Variants in TUBGCP6 observed in about 807,000 individuals in gnomAD.
TUBGCP6 encodes gamma-tubulin complex component 6.
Under a neutral mutation model 175.8 loss-of-function variants are expected in TUBGCP6, and 161 were observed. The ratio of observed to expected loss-of-function variants is 0.92; its 90% confidence interval spans 0.81 to 1.04. The LOEUF (loss-of-function observed/expected upper bound fraction) is 1.04. Ranked by LOEUF, TUBGCP6 falls within the 50% of genes least tolerant of loss-of-function variation. The pLI, the probability that TUBGCP6 is intolerant of heterozygous loss-of-function variation, is 0.00. For synonymous variants in TUBGCP6, 1,173 were observed against 1,030.5 expected (o/e 1.14, Z -2.65); for missense variants, 2,572 against 2,433.0 (o/e 1.06, Z -1.20).
chr22:50,235,783 C>T (rs921905662), intron 2 of TUBGCP6, among the ~76,000 whole-genome samples: 7 of 151,948 alleles, frequency 4.6e-5, no homozygotes, highest in African/African-American at 1.4e-4. Flanking sequence ...CTACTAAAAA[C>T]ACAAAAATTA....
chr22:50,240,382 A>T lies in TUBGCP6; in HGVS notation c.742-15T>A. 1 of 1,613,674 alleles carries T rather than the reference A, an allele frequency of 6.2e-7. No individual in the cohort carries two copies. The highest frequency in any genetic ancestry group is 8.5e-7 in the Non-Finnish European group (1 of 1,179,816). ...CTCGGTGGGACCTGGAGACACAGGG[A>T]AGGGCAAACCGCCACTTATTGCTGT... On this transcript the variant is annotated splice_polypyrimidine_tract_variant and intron_variant, in intron 1 of 24. Transcript: ENST00000248846.
intron 3 of TUBGCP6, among the ~76,000 whole-genome samples, chr22:50,231,947 G>A (rs976971560): frequency 2.0e-5 from 3 of 152,026 alleles, no homozygotes; most frequent in Non-Finnish European, 2.9e-5. Flanking sequence ...GGGGCCGGGC[G>A]TGGCGGCTCA....
chr22:50,224,096 C>A, intron 13 of TUBGCP6, 45 bp downstream of exon 13: 1 of 1,571,038 alleles, frequency 6.4e-7, no homozygotes. Context: ...GCTATGGGGC[C>A]CCTGCCGCAC....
At chr22:50,233,994 G>C (rs904122693) in intron 2 of TUBGCP6, among the ~76,000 whole-genome samples, 1 of 149,576 alleles carries the variant, frequency 6.7e-6, no homozygotes, top group Non-Finnish European at 1.5e-5. Context: ...CCTGTTCATG[G>C]CAGCATCATC....
intron 2 of TUBGCP6, among the ~76,000 whole-genome samples, chr22:50,236,645 G>A (rs1482706514): frequency 6.6e-6 from 1 of 152,210 alleles, no homozygotes; most frequent in Non-Finnish European, 1.5e-5. Context: ...GCTATGAAGA[G>A]GGTGGGCTGG....
chr22:50,228,819 C>T (rs2064652594), intron 4 of TUBGCP6, among the ~76,000 whole-genome samples: 1 of 152,156 alleles, frequency 6.6e-6, no homozygotes, highest in Non-Finnish European at 1.5e-5. Context: ...GGAGGCTGCG[C>T]TGCCTGGCTC....
rs374513717 is a variant in TUBGCP6 at position 50,237,942 on chromosome 22, G to C, written c.905+2262C>G. ...GTTCAAGACCAGCCTGACCAACATG[G>C]AGAAACACCATCTCTACTAAAAACA... On this transcript the variant is annotated intron_variant, in intron 2 of 24. Transcript: ENST00000248846. 2.6e-3 allele frequency among the ~76,000 whole-genome samples: 403 copies of C among 152,248 alleles called. 2 individuals carry two copies. The highest frequency in any genetic ancestry group is 8.8e-3 in the African/African-American group (367 of 41,550).
chr22:50,218,935 A>T, intron 20 of TUBGCP6, 38 bp from the exon 21 acceptor site: 1 of 1,593,794 alleles, frequency 6.3e-7, no homozygotes, highest in Non-Finnish European at 8.6e-7. Context: ...AGGAGTCCCA[A>T]GCACATGCCT....
chr22:50,231,334 G>C (rs369886873), intron 3 of TUBGCP6, among the ~76,000 whole-genome samples: 33 of 147,456 alleles, frequency 2.2e-4, no homozygotes, highest in African/African-American at 7.0e-4. Flanking sequence ...CATGCCTGTA[G>C]TCCCAGCTAC....
rs751022706 is a variant in TUBGCP6 at position 50,233,399 on chromosome 22, C to T, written c.1033G>A (p.Val345Met). 3.4e-5 allele frequency: 55 copies of T among 1,613,996 alleles called. No individual in the cohort carries two copies. The highest frequency in any genetic ancestry group is 1.6e-4 in the South Asian group (15 of 91,076). The stretch of plus-strand genomic sequence containing the variant: ...ACCAGCTCGCACTCCTTCACCAGCA[C>T]GGGCTGCGGGGCCTGTAGGACGCCC... The part of the protein sequence containing the change: ...AGGVLQAPQP[V>M]LVKECELVKD... Residue 345 changes from valine to methionine, a missense_variant, in exon 3 of 25, where the codon GTG becomes ATG. Val to Met is a conservative substitution (Grantham distance 21). Coordinates refer to ENST00000248846, the MANE Select transcript of TUBGCP6 (RefSeq NM_020461.4).
In TUBGCP6 at chr22:50,218,636, G is replaced by A. The variant is rs370144692; in HGVS notation, c.4822-16C>T. On this transcript the variant is annotated splice_polypyrimidine_tract_variant and intron_variant, in intron 21 of 24. Coordinates refer to ENST00000248846, the MANE Select transcript of TUBGCP6 (RefSeq NM_020461.4). ...GCCAGTCCACCTGCCAGGAGGCGTG[G>A]CTCAGCAGGCATCCCACAGGCAGGC... 1.7e-4 allele frequency: 273 copies of A among 1,613,804 alleles called. No individual in the cohort carries two copies. Among genetic ancestry groups the A allele is most frequent in the Admixed American group, 3.0e-4 (18 of 60,030 alleles).
intron 14 of TUBGCP6, 151 bp downstream of exon 14, chr22:50,222,303 G>T: frequency 2.3e-6 from 3 of 1,294,102 alleles, no homozygotes; most frequent in Non-Finnish European, 2.1e-6. Flanking sequence ...TGTGCAATTT[G>T]GTGGCACACG....
chr22:50,222,443 C>T lies in TUBGCP6; in HGVS notation c.2409+11G>A, dbSNP rs775473006. On this transcript the variant is annotated intron_variant, in intron 14 of 24. Transcript: ENST00000248846. ...CAGGGGAAGAGCTGCCATCTGAAGCCGCAGACATACCTGAATGTGTTTCTC... is the reference window on the plus strand; with the variant it reads ...CAGGGGAAGAGCTGCCATCTGAAGCTGCAGACATACCTGAATGTGTTTCTC... 11 of 1,613,314 alleles carry T rather than the reference C, an allele frequency of 6.8e-6. No individual in the cohort carries two copies. In the East Asian group the frequency reaches 8.9e-5, roughly 13 times the overall value.
chr22:50,224,237 T>C lies in TUBGCP6; in HGVS notation c.2174A>G (p.Gln725Arg). Residue 725 changes from glutamine (Q) to arginine (R), a missense_variant, in exon 13 of 25, where the codon CAG (glutamine) becomes CGG (arginine). Physicochemically the swap from Gln to Arg is conservative, Grantham distance 43 (BLOSUM62 1). Transcript: ENST00000248846. ...KDQERRQAAR[Q>R]EELDDDFSYA... ...GCTGAAGTCATCATCCAGCTCCTCC[T>C]GCCTGGCCGCCTGGCGTCGCTATAA... The C allele has an allele frequency of 6.2e-7, 1 of 1,614,150 alleles. No homozygotes were observed.
rs757140407 is a variant in TUBGCP6, at chr22:50,222,149, C to T, written c.2410-47G>A. On this transcript the variant is annotated intron_variant, in intron 14 of 24. Transcript: ENST00000248846. ...TGACTGGCCAAGCCGGAGTCAAGCA[C>T]AGCCCTACCCCACACAAAGCCACAG... The T allele has an allele frequency of 2.5e-6, 4 of 1,582,774 alleles. No homozygotes were observed. The South Asian group carries it at 3.3e-5, about 13-fold the overall frequency.
rs2064487017 is a variant in TUBGCP6, at chr22:50,219,900, T to A, written c.4167+57A>T. 4 of 1,610,698 alleles carry A rather than the reference T, an allele frequency of 2.5e-6. No homozygotes were observed. The African/African-American group carries it at 5.3e-5, about 22-fold the overall frequency. On this transcript the variant is annotated intron_variant, in intron 17 of 24. Coordinates refer to ENST00000248846, the MANE Select transcript of TUBGCP6 (RefSeq NM_020461.4). ...TGTGGGACCCACCCGCGTGACAACC[T>A]AGAGGGACAGAGCCCTCCCTGCCTG...
At chr22:50,232,658 C>T (rs532253333) in intron 3 of TUBGCP6, among the ~76,000 whole-genome samples, 40 of 152,344 alleles carry the variant, frequency 2.6e-4, no homozygotes, top group Admixed American at 1.4e-3. Flanking sequence ...GCGCCCTCAG[C>T]GCCGGCAGCA....
rs749185024 is a variant in TUBGCP6 at position 50,221,246 on chromosome 22, TC to T, written c.3112del (p.Asp1038ThrfsTer6). The T allele has an allele frequency of 6.2e-7, 1 of 1,614,120 alleles. No individual in the cohort carries two copies. The highest frequency in any genetic ancestry group is 1.1e-5 in the South Asian group (1 of 91,088). Reference protein sequence around the residue: ...QVSGGGLPTGDYASEIAPTRP... With the variant: ...QVSGGGLPTGXYASEIAPTRP... ...GGTGGGAGCTATTTCAGAAGCGTAG[TC>T]CCCTGTGGGAAGACCACCCCCTGAC... On this transcript the variant is annotated frameshift_variant, in exon 16 of 25. Coordinates refer to ENST00000248846, the MANE Select transcript of TUBGCP6 (RefSeq NM_020461.4). LOFTEE classifies it high-confidence loss of function.
chr22:50,217,878 C>A, intron 24 of TUBGCP6, 40 bp downstream of exon 24: 2 of 1,606,806 alleles, frequency 1.2e-6, no homozygotes, highest in Non-Finnish European at 1.7e-6. Flanking sequence ...GAGCCCCGCC[C>A]TGGCCCCCCC....
Sources: allele counts gnomAD v4.1 joint callset (sites outside exome capture counted in the v4.1 genomes callset), GRCh38; gene constraint gnomAD v4.1.1; transcripts MANE v1.5; gene names NCBI Gene and HGNC (gene_info 2026-07-23, HGNC 2026-07-21).